Variants in TPCN1 observed in about 807,000 individuals in gnomAD.
TPCN1 encodes the protein two pore segment channel 1, also known as two pore channel protein 1.
A neutral mutation model predicts 108.8 loss-of-function variants in TPCN1; 52 were observed. The observed-to-expected ratio is 0.48, with a 90% CI of 0.38 to 0.60. TPCN1 has a LOEUF of 0.60. TPCN1 is among the 20% of genes least tolerant of loss of function. The probability of loss-of-function intolerance (pLI) is 0.00; values close to 1 mark genes in which losing one functional copy is unlikely to be tolerated. For missense variants in TPCN1, 806 were observed against 1,072.8 expected, an observed-to-expected ratio of 0.75 and a Z score of 3.47; for synonymous variants, 446 against 433.7, an observed-to-expected ratio of 1.03 and a Z score of -0.35.
rs1955264629 is a variant in TPCN1 at position 113,266,430 on chromosome 12, G to A, written c.414+74G>A. 3 of 1,561,018 alleles carry A rather than the reference G, an allele frequency of 1.9e-6. No homozygotes were observed. In the African/African-American group the frequency reaches 4.0e-5, roughly 21 times the overall value. ...GGGCAAGCGATGGAACTCCAAAAAG[G>A]AACATTCTGGGAGGGCAAACACTGC... On this transcript the variant is annotated intron_variant, in intron 4 of 27. Transcript: ENST00000335509. This position sits in a 1 kb window ranked among gnomAD's most constrained non-coding sequence, Gnocchi z 4.2.
Position 113,226,703 on chromosome 12 carries a change from TATTTTTTTAATTCCCAAA to T in TPCN1, c.-125-24_-125-7del. 6.7e-7 allele frequency: 1 copy of T among 1,483,608 alleles called. No individual in the cohort carries two copies. Among genetic ancestry groups the T allele is most frequent in the Admixed American group, 2.3e-5 (1 of 43,892 alleles). The allele number at this position is 1,483,608 out of a possible 1,614,324, so 91.9% of individuals were successfully genotyped here. On this transcript the variant is annotated splice_polypyrimidine_tract_variant and splice_region_variant and intron_variant, in intron 1 of 27. Coordinates refer to ENST00000335509, the MANE Select transcript of TPCN1 (RefSeq NM_017901.6). ...TGGCTGTATTTTAATAATTATCTTT[TATTTTTTTAATTCCCAAA>T]CCCTAGAAGATGCCTCTAATGGAGG... is the stretch of plus-strand genomic sequence containing the variant.
At chr12:113,277,081 C>A in intron 11 of TPCN1, 46 bp downstream of exon 11, 2 of 1,597,510 alleles carry the variant, frequency 1.3e-6, no homozygotes, top group Non-Finnish European at 1.7e-6. Flanking sequence ...GTCCTCCCTC[C>A]CTTGCCCAGA....
In TPCN1 at chr12:113,280,020, A is replaced by G. The variant is rs571046502; in HGVS notation, c.1298-131A>G. On this transcript the variant is annotated intron_variant, in intron 14 of 27. Transcript: ENST00000335509. ...TTTCTTCACCTCTGGGGTAAAGACC[A>G]TGCTTACCTGCATGCACGAAGAGTG... 6.7e-5 allele frequency: 46 copies of G among 687,658 alleles called. 1 individual carries two copies. The highest frequency in any genetic ancestry group is 4.9e-4 in the South Asian group (28 of 57,016). The allele number at this position is 687,658 out of a possible 1,614,324, so 42.6% of individuals were successfully genotyped here.
intron 2 of TPCN1, among the ~76,000 whole-genome samples, chr12:113,228,256 CTTCT>C (rs1250210007): frequency 6.6e-6 from 1 of 152,184 alleles, no homozygotes; most frequent in African/African-American, 2.4e-5. Context: ...TCTCCTCTTC[CTTCT>C]TTTACTTCTT....
intron 2 of TPCN1, among the ~76,000 whole-genome samples, chr12:113,243,618 G>A (rs1026399521): frequency 6.6e-6 from 1 of 151,914 alleles, no homozygotes; most frequent in African/African-American, 2.4e-5. Flanking sequence ...GCTGGGTGTG[G>A]TGGCAGGCAC....
At chr12:113,278,680 G>C (rs1181618929) in intron 13 of TPCN1, 92 bp from the exon 14 acceptor site, 7 of 1,005,282 alleles carry the variant, frequency 7.0e-6, no homozygotes, top group Admixed American at 3.7e-5. Flanking sequence ...AGTTTAGCAG[G>C]GTGAACAGGA....
chr12:113,291,432 C>A (rs1322675936), intron 23 of TPCN1, 177 bp from the exon 24 acceptor site: 1 of 626,200 alleles, frequency 1.6e-6, no homozygotes, highest in Non-Finnish European at 2.8e-6. Flanking sequence ...AGGGCTCCTT[C>A]AGCAGTCAGG....
intron 15 of TPCN1, among the ~76,000 whole-genome samples, chr12:113,280,696 C>T (rs1236184067): frequency 6.6e-6 from 1 of 152,230 alleles, no homozygotes; most frequent in African/African-American, 2.4e-5. Context: ...TTAATAGCCA[C>T]AAATGGCTAA....
chr12:113,230,248 A>G (rs1169237536), intron 2 of TPCN1, among the ~76,000 whole-genome samples: 1 of 144,236 alleles, frequency 6.9e-6, no homozygotes, highest in Non-Finnish European at 1.5e-5. Context: ...ACATTTAACC[A>G]TCTGATCACC....
At chr12:113,280,233 C>T in intron 15 of TPCN1, 38 bp downstream of exon 15, 2 of 1,573,128 alleles carry the variant, frequency 1.3e-6, no homozygotes, top group Non-Finnish European at 1.7e-6. Context: ...CCACTTTCCC[C>T]CTGAGTCCTT....
chr12:113,286,030 C>A, intron 18 of TPCN1, 69 bp downstream of exon 18: 1 of 1,356,554 alleles, frequency 7.4e-7, no homozygotes, highest in Non-Finnish European at 1.1e-6. Context: ...CTTCTCTGCA[C>A]ACCCTGATCC....
chr12:113,280,055 G>T (rs1211125667), intron 14 of TPCN1, 96 bp from the exon 15 acceptor site: 1 of 945,046 alleles, frequency 1.1e-6, no homozygotes, highest in African/African-American at 1.6e-5. Flanking sequence ...GTGGTAGGTG[G>T]TTGCACCTGC....
intron 14 of TPCN1, among the ~76,000 whole-genome samples, chr12:113,279,387 ATATATTTTTT>A (rs1286331282): frequency 1.0e-4 from 2 of 19,646 alleles, no homozygotes; most frequent in Non-Finnish European, 7.7e-5. Flanking sequence ...ATATATATAT[ATATATTTTTT>A]TTTTTTTTTT....
chr12:113,249,331 A>C (rs1047938540), intron 2 of TPCN1: 15 of 152,386 alleles, frequency 9.8e-5, no homozygotes, highest in African/African-American at 3.6e-4. Flanking sequence ...ACCGCACGGC[A>C]GACAGTGGGT....
rs74338176 is a variant in TPCN1 at position 113,280,485 on chromosome 12, C to T, written c.1342+290C>T. 8.4e-3 allele frequency among the ~76,000 whole-genome samples: 1,283 copies of T among 152,246 alleles called. 25 individuals carry two copies. Among genetic ancestry groups the T allele is most frequent in the East Asian group, 0.056 (289 of 5,182 alleles). ...ATATGTCTCTTGAGTTTGTTTTAAT[C>T]TATAGGCTTCTCTTCCTCACCTCAT... On this transcript the variant is annotated intron_variant, in intron 15 of 27. Coordinates refer to ENST00000335509, the MANE Select transcript of TPCN1 (RefSeq NM_017901.6).
chr12:113,227,044 A>G, intron 2 of TPCN1, 80 bp downstream of exon 2: 1 of 1,208,782 alleles, frequency 8.3e-7, no homozygotes, highest in Non-Finnish European at 1.2e-6. Context: ...TTGTGGTCTG[A>G]TAGTAGGGGT....
Position 113,296,926 on chromosome 12 carries a change from A to G in TPCN1, c.*850A>G, listed in dbSNP as rs1054925845. 1 of 152,250 alleles carries G rather than the reference A, an allele frequency of 6.6e-6. No individual in the cohort carries two copies. Among genetic ancestry groups the G allele is most frequent in the Non-Finnish European group, 1.5e-5 (1 of 68,052 alleles). 9.4% of individuals were successfully genotyped at this position (152,250 alleles called of 1,614,324 possible). ...TTTGCGATTTACCCGTTCAAGCAAA[A>G]CAACGTTTTGGTTAACTAAGGATTG... On this transcript the variant is annotated 3_prime_UTR_variant, in exon 28 of 28. Coordinates refer to ENST00000335509, the MANE Select transcript of TPCN1 (RefSeq NM_017901.6).
rs144473280 is a variant in TPCN1 at position 113,291,615 on chromosome 12, G to A, written c.1966G>A (p.Val656Ile). ...VNNWYIIMEG[V>I]TSQTSHWSRL... ...TGCTTCCCTTGGTCTCCAGGAAGGC[G>A]TCACCTCTCAGACCTCCCACTGGAG... Residue 656 changes from valine (V) to isoleucine (I), a missense_variant, in exon 24 of 28, where the codon GTC becomes ATC. Coordinates refer to ENST00000335509, the MANE Select transcript of TPCN1 (RefSeq NM_017901.6). The A allele has an allele frequency of 1.5e-4, 239 of 1,612,492 alleles. No homozygotes were observed. The East Asian group carries it at 1.5e-3, about 10-fold the overall frequency.
At chr12:113,277,539 C>G (rs1955718104) in intron 12 of TPCN1, among the ~76,000 whole-genome samples, 175 bp downstream of exon 12, 2 of 150,764 alleles carry the variant, frequency 1.3e-5, no homozygotes, top group Admixed American at 6.6e-5. Flanking sequence ...ATGCCTTTTG[C>G]AAGTGACAAA....
Sources: gnomAD v4.1 joint callset for allele counts (sites outside exome capture counted in the v4.1 genomes callset) on GRCh38, gnomAD v4.1.1 for gene constraint, Gnocchi (gnomAD v3.1) non-coding constraint, MANE v1.5 for transcripts, NCBI Gene and HGNC (gene_info 2026-07-23, HGNC 2026-07-21) for gene names.